Variants in KDM1B observed in about 807,000 individuals in gnomAD.
The protein encoded by KDM1B is lysine demethylase 1B.
In KDM1B, 63 loss-of-function variants were observed where a neutral mutation model predicts 107.4. That is an observed-to-expected ratio of 0.59 (90% CI 0.48 to 0.72). The LOEUF is 0.72. Ranked by LOEUF, KDM1B falls within the 30% of genes least tolerant of loss-of-function variation. The pLI, the probability that KDM1B is intolerant of heterozygous loss-of-function variation, is 0.00. For synonymous variants in KDM1B, 363 were observed against 363.9 expected, an observed-to-expected ratio of 1.00 and a Z score of 0.03; for missense variants, 749 against 1,020.8, an observed-to-expected ratio of 0.73 and a Z score of 3.63.
In KDM1B at chr6:18,162,017, A is replaced by G. The variant is rs764487118; in HGVS notation, c.215+563A>G. ...CAATAAAATCGAGAAAACAAATCCT[A>G]TTTGTTTTTAAACACAAAGAGGGCC... On this transcript the variant is annotated intron_variant, in intron 4 of 21. Coordinates refer to ENST00000650836, the MANE Select transcript of KDM1B (RefSeq NM_001364614.2). The surrounding 1 kb of genome is among the most constrained non-coding windows in gnomAD (Gnocchi z 4.1). Among the ~76,000 whole-genome samples, 1 of 151,982 alleles carries G rather than the reference A, an allele frequency of 6.6e-6. No homozygotes were observed. Among genetic ancestry groups the G allele is most frequent in the Admixed American group, 6.6e-5 (1 of 15,246 alleles).
In KDM1B at chr6:18,166,328, A is replaced by G. The variant is rs1387071136; in HGVS notation, c.367A>G (p.Thr123Ala). Reference protein sequence around the residue: ...WKKIWTSNGKTEPSPKAFMAD... With the variant: ...WKKIWTSNGKAEPSPKAFMAD... The stretch of plus-strand genomic sequence containing the variant: ...AAAAATATGGACTAGCAATGGCAAA[A>G]CCGAACCTAGTCCCAAAGCTTTCAT... Residue 123 changes from threonine (T) to alanine (A), a missense_variant, in exon 6 of 22, where the codon ACC becomes GCC. By Grantham distance (58) the Thr-to-Ala change is moderately conservative. Transcript: ENST00000650836. 1 of 1,613,678 alleles carries G rather than the reference A, an allele frequency of 6.2e-7. No individual in the cohort carries two copies. Among genetic ancestry groups the G allele is most frequent in the Non-Finnish European group, 8.5e-7 (1 of 1,179,580 alleles).
At chr6:18,173,563 A>G (rs1182979110) in intron 7 of KDM1B, among the ~76,000 whole-genome samples, 1 of 152,098 alleles carries the variant, frequency 6.6e-6, no homozygotes, top group East Asian at 1.9e-4. Context: ...TTTCTGAGAA[A>G]TCATTGGTTA....
At chr6:18,156,708 G>T (rs1784633752) in intron 2 of KDM1B, among the ~76,000 whole-genome samples, 1 of 152,014 alleles carries the variant, frequency 6.6e-6, no homozygotes, top group African/African-American at 2.4e-5. Flanking sequence ...GAGGTCAGGA[G>T]TACTTCAAGA....
intron 7 of KDM1B, among the ~76,000 whole-genome samples, chr6:18,175,921 T>A (rs1453289920): frequency 1.3e-5 from 2 of 152,212 alleles, no homozygotes; most frequent in African/African-American, 2.4e-5. Flanking sequence ...AGATTTATTC[T>A]TTTGCTTTGT....
At chr6:18,184,273 C>CTTTTTTTTTTTTTTTTTTTTT (rs1163110910) in intron 7 of KDM1B, among the ~76,000 whole-genome samples, 1 of 116,672 alleles carries the variant, frequency 8.6e-6, no homozygotes, top group Non-Finnish European at 1.7e-5. Context: ...GTTCTAGCTT[C>CTTTTTTTTTTTTTTTTTTTTT]TTTTTTTTTT....
rs1337380275 is a variant in KDM1B, at chr6:18,159,253, A to G, written c.-13-630A>G. On this transcript the variant is annotated intron_variant, in intron 2 of 21. Coordinates refer to ENST00000650836, the MANE Select transcript of KDM1B (RefSeq NM_001364614.2). The surrounding 1 kb of genome is among the most constrained non-coding windows in gnomAD (Gnocchi z 4.5). ...AGTGCTGGGATTACAAGCATGAACC[A>G]CTGTGCCCAGCCATGAGTTTTCTTT... Among the ~76,000 whole-genome samples, 3 of 152,196 alleles carry G rather than the reference A, an allele frequency of 2.0e-5. No individual in the cohort carries two copies. Among genetic ancestry groups the G allele is most frequent in the African/African-American group, 7.2e-5 (3 of 41,462 alleles).
chr6:18,156,269 G>T (rs558397263), intron 2 of KDM1B, among the ~76,000 whole-genome samples: 1 of 152,278 alleles, frequency 6.6e-6, no homozygotes, highest in East Asian at 1.9e-4. Context: ...GTTAGTCAAC[G>T]GCCGGGCAGC....
intron 7 of KDM1B, among the ~76,000 whole-genome samples, chr6:18,177,674 G>A (rs1786114893): frequency 6.6e-6 from 1 of 151,864 alleles, no homozygotes; most frequent in Non-Finnish European, 1.5e-5. Context: ...CTCCCAAAGT[G>A]CTGGGATTAC....
In KDM1B at chr6:18,212,636, A is replaced by G. The variant is rs1385063795; in HGVS notation, c.1983+32A>G. On this transcript the variant is annotated intron_variant, in intron 18 of 21. Coordinates refer to ENST00000650836, the MANE Select transcript of KDM1B (RefSeq NM_001364614.2). The surrounding 1 kb of genome is among the most constrained non-coding windows in gnomAD (Gnocchi z 5.2). ...GAAATGACCTCATCCTCAGCAAGAA[A>G]GAGATTAATGTCAGATGATAGATGT... 2 of 1,330,992 alleles carry G rather than the reference A, an allele frequency of 1.5e-6. No individual in the cohort carries two copies. Among genetic ancestry groups the G allele is most frequent in the Admixed American group, 3.4e-5 (2 of 59,600 alleles). The allele number at this position is 1,330,992 out of a possible 1,614,324, so 82.4% of individuals were successfully genotyped here. A position where few individuals can be genotyped will look rare whatever the true frequency, so the allele number is the denominator to read the frequency against.
chr6:18,215,343 A>G (rs565400027), intron 20 of KDM1B, among the ~76,000 whole-genome samples: 2 of 152,320 alleles, frequency 1.3e-5, no homozygotes, highest in Admixed American at 1.3e-4. Context: ...GCCTTAGACA[A>G]CAGAAACTTA....
intron 15 of KDM1B, 39 bp from the exon 16 acceptor site, chr6:18,207,359 A>T: frequency 6.2e-7 from 1 of 1,609,664 alleles, no homozygotes; most frequent in Non-Finnish European, 8.5e-7. Flanking sequence ...AGGCACAAGG[A>T]TTTACACTGC....
In KDM1B at chr6:18,197,359, A is replaced by G; in HGVS notation, c.1146+126A>G. On this transcript the variant is annotated intron_variant, in intron 11 of 21. Coordinates refer to ENST00000650836, the MANE Select transcript of KDM1B (RefSeq NM_001364614.2). The surrounding 1 kb of genome is among the most constrained non-coding windows in gnomAD (Gnocchi z 4.5). ...AACTTAACAGAAGCAAGGCTTTCGC[A>G]GAATGTGTTTCTCCTGAAAGGAGAA... 1.1e-6 allele frequency: 1 copy of G among 947,286 alleles called. No homozygotes were observed. Among genetic ancestry groups the G allele is most frequent in the Non-Finnish European group, 1.6e-6 (1 of 642,578 alleles). 58.7% of individuals were successfully genotyped at this position (947,286 alleles called of 1,614,324 possible). A position where few individuals can be genotyped will look rare whatever the true frequency, so the allele number is the denominator to read the frequency against.
chr6:18,167,840 G>A lies in KDM1B; in HGVS notation c.417+1462G>A, dbSNP rs576769596. 5.7e-4 allele frequency among the ~76,000 whole-genome samples: 87 copies of A among 151,730 alleles called. 1 individual carries two copies. Among genetic ancestry groups the A allele is most frequent in the Admixed American group, 1.7e-3 (26 of 15,222 alleles). On this transcript the variant is annotated intron_variant, in intron 6 of 21. Transcript: ENST00000650836. ...TGCAGTTGTGGGATTATGACTCACT[G>A]CAGCCTCGGTCTCCCAGGCTCAAGT...
At chr6:18,169,233 A>ATTTTT (rs199594945) in intron 6 of KDM1B, among the ~76,000 whole-genome samples, 2 of 132,778 alleles carry the variant, frequency 1.5e-5, no homozygotes, top group Non-Finnish European at 1.6e-5. Flanking sequence ...TATATATATA[A>ATTTTT]ATTTTTTTTT....
In KDM1B at chr6:18,209,816, G is replaced by A. The variant is rs771539318; in HGVS notation, c.1866+1610G>A. ...TCTCAAGTGATTCCAGTGTGCAGCCGTGGTTGAGAACCTTGTCTGCAGTGA... is the reference window on the plus strand; with the variant it reads ...TCTCAAGTGATTCCAGTGTGCAGCCATGGTTGAGAACCTTGTCTGCAGTGA... On this transcript the variant is annotated intron_variant, in intron 17 of 21. Transcript: ENST00000650836. This position sits in a 1 kb window ranked among gnomAD's most constrained non-coding sequence, Gnocchi z 4.3. Among the ~76,000 whole-genome samples the A allele has an allele frequency of 3.3e-5, 5 of 152,186 alleles. No individual in the cohort carries two copies. The highest frequency in any genetic ancestry group is 1.3e-4 in the Admixed American group (2 of 15,280).
In KDM1B at chr6:18,197,138, A is replaced by T. The variant is rs1401510050; in HGVS notation, c.1051A>T (p.Arg351Ter). Residue 351 changes from arginine to a stop codon, truncating the protein, a stop_gained, in exon 11 of 22, where the codon AGA (arginine) becomes TGA (stop). Transcript: ENST00000650836. LOFTEE classifies it high-confidence loss of function. The surrounding 1 kb of genome is among the most constrained non-coding windows in gnomAD (Gnocchi z 4.5). ...TATTCGATGCGTTCAGGAAGTGGAGAGAATACTGTATTTTATGACCAGAAA... is the reference window on the plus strand; with the variant it reads ...TATTCGATGCGTTCAGGAAGTGGAGTGAATACTGTATTTTATGACCAGAAA... Reference protein sequence around the residue: ...VRIRCVQEVERILYFMTRKGL... With the variant: ...VRIRCVQEVE 6.2e-7 allele frequency: 1 copy of T among 1,613,880 alleles called. No homozygotes were observed. The highest frequency in any genetic ancestry group is 8.5e-7 in the Non-Finnish European group (1 of 1,179,990).
chr6:18,162,989 G>A lies in KDM1B; in HGVS notation c.305+65G>A, dbSNP rs1582079042. Reference sequence around the variant, plus strand: ...GACCGTGGCAGGGGCAGTGCGTGTGGTCAGCTGATTAAAGCTTAGTCTCGA... The same window carrying A: ...GACCGTGGCAGGGGCAGTGCGTGTGATCAGCTGATTAAAGCTTAGTCTCGA... On this transcript the variant is annotated intron_variant, in intron 5 of 21. Transcript: ENST00000650836. The surrounding 1 kb of genome is among the most constrained non-coding windows in gnomAD (Gnocchi z 4.1). The A allele has an allele frequency of 3.2e-6, 3 of 948,914 alleles. No individual in the cohort carries two copies. The highest frequency in any genetic ancestry group is 4.8e-5 in the East Asian group (2 of 41,766). 58.8% of individuals were successfully genotyped at this position (948,914 alleles called of 1,614,324 possible).
Position 18,215,102 on chromosome 6 carries a change from C to A in KDM1B, c.2205C>A (p.Ala735=). The A allele has an allele frequency of 6.2e-7, 1 of 1,613,374 alleles. No homozygotes were observed. Among genetic ancestry groups the A allele is most frequent in the Non-Finnish European group, 8.5e-7 (1 of 1,179,898 alleles). The part of the protein sequence containing the change: ...DDKQVLQQCM[A]TLRELFKEQE... ...AACAGGTGCTGCAGCAGTGCATGGC[C>A]ACGCTCCGGGAGCTGTTCAAGGAGC... The change falls in exon 20 of 22, where the codon GCC becomes GCA. Residue 735 remains alanine, a synonymous_variant. Transcript: ENST00000650836.
Position 18,191,753 on chromosome 6 carries a change from A to G in KDM1B, c.969+372A>G, listed in dbSNP as rs1787296991. On this transcript the variant is annotated intron_variant, in intron 10 of 21. Coordinates refer to ENST00000650836, the MANE Select transcript of KDM1B (RefSeq NM_001364614.2). This position sits in a 1 kb window ranked among gnomAD's most constrained non-coding sequence, Gnocchi z 5.1. ...TGCAAGGTTTGGTCCAAAGAGTTCC[A>G]ATGGCAATGGCAGGAGGGAAAAACA... 1.3e-5 allele frequency among the ~76,000 whole-genome samples: 2 copies of G among 152,194 alleles called. No individual in the cohort carries two copies. The highest frequency in any genetic ancestry group is 6.5e-5 in the Admixed American group (1 of 15,276).
Sources: gnomAD v4.1 joint callset for allele counts (sites outside exome capture counted in the v4.1 genomes callset) on GRCh38, gnomAD v4.1.1 for gene constraint, Gnocchi (gnomAD v3.1) non-coding constraint, MANE v1.5 for transcripts, NCBI Gene and HGNC (gene_info 2026-07-23, HGNC 2026-07-21) for gene names.